The following AKAP13 variants were observed in gnomAD, a reference collection of about 807,000 sequenced individuals.
AKAP13 encodes A-kinase anchor protein 13.
AKAP13 carries 80 observed loss-of-function variants against 264.5 expected under a neutral mutation model. That is an observed-to-expected ratio of 0.30 (90% CI 0.25 to 0.36). The LOEUF (loss-of-function observed/expected upper bound fraction) is 0.36. Ranked by LOEUF, AKAP13 falls within the 10% of genes least tolerant of loss-of-function variation. The probability of loss-of-function intolerance (pLI) is 1.00; values close to 1 mark genes in which losing one functional copy is unlikely to be tolerated. For missense variants in AKAP13, 3,712 were observed against 3,435.2 expected (o/e 1.08, Z -2.01); for synonymous variants, 1,380 against 1,250.2 (o/e 1.10, Z -2.19).
chr15:85,567,941 G>GGGGTGT (rs370286691), intron 5 of AKAP13, among the ~76,000 whole-genome samples: 4 of 141,828 alleles, frequency 2.8e-5, no homozygotes, highest in African/African-American at 1.1e-4. Context: ...AGCCCAAAGA[G>GGGGTGT]GTGTGTGTGT....
intron 1 of AKAP13, among the ~76,000 whole-genome samples, chr15:85,393,202 T>C (rs969361480): frequency 6.6e-6 from 1 of 152,252 alleles, no homozygotes; most frequent in African/African-American, 2.4e-5. Flanking sequence ...TTGGATGCTT[T>C]GTACACAGAG....
chr15:85,393,613 C>T (rs1419958926), intron 1 of AKAP13, among the ~76,000 whole-genome samples: 2 of 152,264 alleles, frequency 1.3e-5, no homozygotes, highest in Non-Finnish European at 2.9e-5. Flanking sequence ...TGTTTACCTA[C>T]GTGTTATGTT....
At chr15:85,631,062 G>A (rs2081768099) in intron 8 of AKAP13, among the ~76,000 whole-genome samples, 1 of 152,008 alleles carries the variant, frequency 6.6e-6, no homozygotes, top group South Asian at 2.1e-4. Flanking sequence ...GTAAAATGTG[G>A]ATATATCCAT....
At chr15:85,740,632 C>G (rs1198462951) in intron 34 of AKAP13, 7 of 325,716 alleles carry the variant, frequency 2.1e-5, no homozygotes, top group Non-Finnish European at 3.4e-5. Context: ...AATACAGCTT[C>G]TGTTTCGGAC....
In AKAP13 at chr15:85,746,674, T is replaced by C. The variant is rs569969870; in HGVS notation, c.*1997T>C. 1 of 152,332 alleles carries C rather than the reference T, an allele frequency of 6.6e-6. No homozygotes were observed. Among genetic ancestry groups the C allele is most frequent in the East Asian group, 1.9e-4 (1 of 5,188 alleles). 9.4% of individuals were successfully genotyped at this position (152,332 alleles called of 1,614,324 possible). A position where few individuals can be genotyped will look rare whatever the true frequency, so the allele number is the denominator to read the frequency against. On this transcript the variant is annotated 3_prime_UTR_variant, in exon 37 of 37. Coordinates refer to ENST00000394518, the MANE Select transcript of AKAP13 (RefSeq NM_007200.5). ...ACCCTAAACAAAAAGTTAAGTTTCT[T>C]TCTTTCACCTATTTGTACAACTCCA...
At chr15:85,636,599 A>G (rs2082079537) in intron 8 of AKAP13, among the ~76,000 whole-genome samples, 1 of 146,380 alleles carries the variant, frequency 6.8e-6, no homozygotes, top group Non-Finnish European at 1.5e-5. Flanking sequence ...TCATGAATAG[A>G]TGTTGAATTT....
intron 1 of AKAP13, among the ~76,000 whole-genome samples, chr15:85,399,517 AAAAAATAAAAAAAT>A (rs2071300599): frequency 3.2e-5 from 4 of 125,982 alleles, no homozygotes; most frequent in Non-Finnish European, 4.9e-5. Flanking sequence ...AAAAAAAAAA[AAAAAATAAAAAAAT>A]AAAAAAATAA....
chr15:85,450,426 TCTC>T (rs2074046651), intron 1 of AKAP13, among the ~76,000 whole-genome samples: 1 of 152,190 alleles, frequency 6.6e-6, no homozygotes, highest in Non-Finnish European at 1.5e-5. Flanking sequence ...GATTTGTTCT[TCTC>T]TAATTCTTTC....
chr15:85,683,920 C>G (rs969007244), intron 15 of AKAP13, among the ~76,000 whole-genome samples: 3 of 152,162 alleles, frequency 2.0e-5, no homozygotes, highest in African/African-American at 7.2e-5. Context: ...CAACACTGTG[C>G]CTCAATTCTG....
chr15:85,642,679 A>G (rs572304727), intron 9 of AKAP13, among the ~76,000 whole-genome samples: 212 of 152,216 alleles, frequency 1.4e-3, no homozygotes, highest in African/African-American at 4.9e-3. Flanking sequence ...TCTCGTCCCA[A>G]ACTTGGTTTG....
Position 85,422,994 on chromosome 15 carries a change from C to T in AKAP13, c.-12+42196C>T, listed in dbSNP as rs2072593168. 2.0e-5 allele frequency among the ~76,000 whole-genome samples: 3 copies of T among 152,208 alleles called. No homozygotes were observed. In the South Asian group the frequency reaches 6.2e-4, roughly 32 times the overall value. ...GTGCATATGTTTTGTTTATACTATG[C>T]TGTAGTCTAGTAAGTGTGTGATAGC... On this transcript the variant is annotated intron_variant, in intron 1 of 36. Coordinates refer to ENST00000394518, the MANE Select transcript of AKAP13 (RefSeq NM_007200.5).
At chr15:85,583,814 G>A (rs1217690020) in intron 7 of AKAP13, among the ~76,000 whole-genome samples, 2 of 151,558 alleles carry the variant, frequency 1.3e-5, no homozygotes, top group Admixed American at 6.6e-5. Flanking sequence ...GAGAAATGAC[G>A]GATGTTTAGG....
Position 85,674,361 on chromosome 15 carries a change from A to G in AKAP13, c.5101+4531A>G, listed in dbSNP as rs186989948. Among the ~76,000 whole-genome samples the G allele has an allele frequency of 4.8e-3, 733 of 152,340 alleles. 3 individuals carry two copies. Among genetic ancestry groups the G allele is most frequent in the Non-Finnish European group, 8.8e-3 (598 of 68,030 alleles). On this transcript the variant is annotated intron_variant, in intron 14 of 36. Coordinates refer to ENST00000394518, the MANE Select transcript of AKAP13 (RefSeq NM_007200.5). The stretch of plus-strand genomic sequence containing the variant: ...CCTTAGAGCTATGTGTATAAGCTGT[A>G]TATGAAACAAATGAATTTCATGTTC...
chr15:85,472,977 C>G (rs1002207260), intron 1 of AKAP13, among the ~76,000 whole-genome samples: 5 of 152,284 alleles, frequency 3.3e-5, no homozygotes, highest in African/African-American at 1.2e-4. Flanking sequence ...AGCTAGACAT[C>G]TGCTAAATAG....
chr15:85,739,461 G>C (rs2088798089), intron 33 of AKAP13, among the ~76,000 whole-genome samples: 1 of 151,902 alleles, frequency 6.6e-6, no homozygotes, highest in Non-Finnish European at 1.5e-5. Context: ...TTTTCTACTA[G>C]GGTATTTTTT....
chr15:85,619,834 G>A, intron 8 of AKAP13: 1 of 1,289,922 alleles, frequency 7.8e-7, no homozygotes, highest in Non-Finnish European at 9.9e-7. Context: ...TTTATATTAT[G>A]AGTTCTACAT....
At position 85,654,626 on chromosome 15, in the gene AKAP13, C is replaced by A. The variant is rs191538181; in HGVS notation, c.4375-791C>A. Among the ~76,000 whole-genome samples the A allele has an allele frequency of 3.2e-3, 487 of 152,152 alleles. 4 individuals carry two copies. The highest frequency in any genetic ancestry group is 4.9e-3 in the Non-Finnish European group (336 of 67,990). On this transcript the variant is annotated intron_variant, in intron 10 of 36. Coordinates refer to ENST00000394518, the MANE Select transcript of AKAP13 (RefSeq NM_007200.5). ...AGGATCCCAGGAGTTGAAGACCATC[C>A]TGGGCAACATGGTGAAACCCTGTGT...
chr15:85,685,001 C>T (rs1223728108), intron 16 of AKAP13, 128 bp downstream of exon 16: 25 of 1,173,006 alleles, frequency 2.1e-5, no homozygotes, highest in Middle Eastern at 2.0e-4. Flanking sequence ...TCTCCGAAAT[C>T]GCCTAATATT....
At chr15:85,681,641 G>A (rs911013100) in intron 14 of AKAP13, among the ~76,000 whole-genome samples, 3 of 151,768 alleles carry the variant, frequency 2.0e-5, no homozygotes, top group Non-Finnish European at 2.9e-5. Context: ...GTGACAGGGC[G>A]AAGACTTGAT....
Sources: gnomAD v4.1 joint callset for allele counts (sites outside exome capture counted in the v4.1 genomes callset) on GRCh38, gnomAD v4.1.1 for gene constraint, MANE v1.5 for transcripts, NCBI Gene and HGNC (gene_info 2026-07-23, HGNC 2026-07-21) for gene names.